Variants in RASL12 observed in about 807,000 individuals in gnomAD.
The protein encoded by RASL12 is ras-like protein family member 12.
RASL12 carries 16 observed loss-of-function variants against 22.9 expected under a neutral mutation model. That is an observed-to-expected ratio of 0.70 (90% CI 0.47 to 1.06). The LOEUF (loss-of-function observed/expected upper bound fraction) is 1.06, where lower values mean the gene tolerates loss of function less well. Among genes scored for constraint, RASL12 ranks in the 50% least tolerant of loss-of-function variants. RASL12 has a pLI of 0.00. For synonymous variants in RASL12, 159 were observed against 152.2 expected, an observed-to-expected ratio of 1.04 and a Z score of -0.33; for missense variants, 306 against 353.1, an observed-to-expected ratio of 0.87 and a Z score of 1.07.
At position 65,054,961 on chromosome 15, in the gene RASL12, G is replaced by T. The variant is rs756497982; in HGVS notation, c.739C>A (p.Arg247=). ...QAKLVTVKSS[R]AQSKRKAPTL... ...GGCGCCTTGCGCTTGCTCTGGGCCC[G>T]GGATGACTTCACGGTGACCAGCTTG... The change falls in exon 5 of 5, where the codon CGG becomes AGG. Residue 247 remains arginine, a synonymous_variant. Coordinates refer to ENST00000220062, the MANE Select transcript of RASL12 (RefSeq NM_016563.4). The T allele has an allele frequency of 5.0e-6, 8 of 1,614,186 alleles. No homozygotes were observed. In the Admixed American group the frequency reaches 6.7e-5, roughly 13 times the overall value.
At chr15:65,062,104 G>A (rs961387577) in intron 2 of RASL12, among the ~76,000 whole-genome samples, 31 of 151,852 alleles carry the variant, frequency 2.0e-4, no homozygotes, top group East Asian at 1.9e-4. Context: ...TGTCCTCGCT[G>A]GAGGAGGAGG....
the RASL12 span, among the ~76,000 whole-genome samples, chr15:65,046,627 T>C: frequency 6.6e-6 from 1 of 152,090 alleles, no homozygotes; most frequent in African/African-American, 2.4e-5. Flanking sequence ...TTTAAACATA[T>C]TTTGGCCAGG....
downstream of RASL12, among the ~76,000 whole-genome samples, chr15:65,048,759 A>G (rs1337792998): frequency 6.6e-6 from 1 of 152,206 alleles, no homozygotes; most frequent in African/African-American, 2.4e-5. Flanking sequence ...CTGTAATCCC[A>G]GTACTTTGGG....
In RASL12 at chr15:65,058,537, G is replaced by A; in HGVS notation, c.315C>T (p.Ser105=). The change falls in exon 4 of 5, where the codon AGC becomes AGT. Residue 105 remains serine (S), a synonymous_variant. Transcript: ENST00000220062. ...CCAGGTAGCTGCTGCTGCTATCAAA[G>A]CTCTGGCGGCTGTCGACGCTGTACA... The part of the protein sequence containing the change: ...LVVYSVDSRQ[S]FDSSSSYLEL... 1 of 1,611,782 alleles carries A rather than the reference G, an allele frequency of 6.2e-7. No homozygotes were observed. The highest frequency in any genetic ancestry group is 8.5e-7 in the Non-Finnish European group (1 of 1,178,460).
At chr15:65,064,527 G>A (rs1393794498) in intron 2 of RASL12, among the ~76,000 whole-genome samples, 1 of 152,048 alleles carries the variant, frequency 6.6e-6, no homozygotes, top group African/African-American at 2.4e-5. Flanking sequence ...AGAATTTCTC[G>A]AATGTCCTGC....
Position 65,065,212 on chromosome 15 carries a change from C to A in RASL12, c.160+5G>T. 2.5e-6 allele frequency: 4 copies of A among 1,612,068 alleles called. No homozygotes were observed. Among genetic ancestry groups the A allele is most frequent in the Non-Finnish European group, 3.4e-6 (4 of 1,179,252 alleles). On this transcript the variant is annotated splice_donor_5th_base_variant and intron_variant, in intron 2 of 4. Coordinates refer to ENST00000220062, the MANE Select transcript of RASL12 (RefSeq NM_016563.4). ...CAGCAGAAGGTACGGGGAGTAGTTT[C>A]TTACCCAAGTTGGGGTCATATTCAC...
chr15:65,073,986 C>T (rs1019359780), intron 1 of RASL12, among the ~76,000 whole-genome samples: 4 of 152,196 alleles, frequency 2.6e-5, no homozygotes, highest in Admixed American at 2.6e-4. Context: ...TCTGGAGCCT[C>T]GCAGCAAGTG....
At chr15:65,058,644 G>T in intron 3 of RASL12, 27 bp from the exon 4 acceptor site, 1 of 1,462,546 alleles carries the variant, frequency 6.8e-7, no homozygotes, top group Non-Finnish European at 9.1e-7. Flanking sequence ...AAGCCCCGCC[G>T]GGGGGCAGAG....
At chr15:65,070,872 T>G (rs1312893679), upstream of RASL12, among the ~76,000 whole-genome samples, 1 of 152,182 alleles carries the variant, frequency 6.6e-6, no homozygotes, top group Non-Finnish European at 1.5e-5. Flanking sequence ...AAATTCCACT[T>G]TACAGATGAA....
At chr15:65,053,182 C>A (rs2086678766), downstream of RASL12, 2 of 1,612,826 alleles carry the variant, frequency 1.2e-6, no homozygotes, top group African/African-American at 2.7e-5. Context: ...TCAGAGAAGC[C>A]CCATCCTAAG....
At chr15:65,055,330 C>A in intron 4 of RASL12, 56 bp from the exon 5 acceptor site, 1 of 1,445,610 alleles carries the variant, frequency 6.9e-7, no homozygotes, top group Middle Eastern at 1.9e-4. Context: ...CCAAGTCAGG[C>A]AGACCAGCTC....
chr15:65,058,677 C>G (rs1248041799), intron 3 of RASL12, 60 bp from the exon 4 acceptor site: 1 of 1,293,958 alleles, frequency 7.7e-7, no homozygotes, highest in Non-Finnish European at 1.0e-6. Flanking sequence ...AAGGCCTTCA[C>G]CTGAGCCGCC....
intron 4 of RASL12, among the ~76,000 whole-genome samples, chr15:65,058,144 C>G (rs1330365636): frequency 6.6e-6 from 1 of 152,196 alleles, no homozygotes; most frequent in Non-Finnish European, 1.5e-5. Context: ...TGGCAGGAAC[C>G]TGTAATCCCA....
At chr15:65,051,923 A>T (rs751714963), downstream of RASL12, among the ~76,000 whole-genome samples, 8 of 152,192 alleles carry the variant, frequency 5.3e-5, no homozygotes, top group Non-Finnish European at 8.8e-5. Flanking sequence ...CAGCAAAGTC[A>T]ACTCAGAGAT....
rs575177440 is a variant in RASL12 at position 65,059,377 on chromosome 15, C to T, written c.202G>A (p.Val68Ile). Residue 68 changes from valine to isoleucine, a missense_variant, in exon 3 of 5, where the codon GTC (valine) becomes ATC (isoleucine). Transcript: ENST00000220062. ...GCAGTGTCCATGACCCTCAGGTGGA[C>T]AGGCTGGTGGTCCACAGTCTCCTCG... ...SSEETVDHQP[V>I]HLRVMDTADL... The T allele has an allele frequency of 1.2e-6, 2 of 1,614,104 alleles. No individual in the cohort carries two copies. The highest frequency in any genetic ancestry group is 1.7e-5 in the Admixed American group (1 of 60,034).
chr15:65,070,196 A>T (rs1418645434), upstream of RASL12, among the ~76,000 whole-genome samples: 1 of 152,228 alleles, frequency 6.6e-6, no homozygotes. Flanking sequence ...TCAGCCCAGG[A>T]GATGGAGGCT....
Position 65,053,956 on chromosome 15 carries a change from C to G in RASL12, c.*943G>C. 7.1e-6 allele frequency: 7 copies of G among 985,828 alleles called. No individual in the cohort carries two copies. Among genetic ancestry groups the G allele is most frequent in the Non-Finnish European group, 8.4e-6 (7 of 829,950 alleles). 61.1% of individuals were successfully genotyped at this position (985,828 alleles called of 1,614,324 possible). On this transcript the variant is annotated 3_prime_UTR_variant, in exon 5 of 5. Coordinates refer to ENST00000220062, the MANE Select transcript of RASL12 (RefSeq NM_016563.4). ...TAGGTTCTAAAGTGGGCTTTGAACA[C>G]TCAGACTCATTGCTGAGGGTCCTGG...
At position 65,067,721 on chromosome 15, in the gene RASL12, G is replaced by A. The variant is rs370070098; in HGVS notation, c.103+12C>T. The A allele has an allele frequency of 1.9e-6, 3 of 1,545,742 alleles. No individual in the cohort carries two copies. The highest frequency in any genetic ancestry group is 1.4e-5 in the African/African-American group (1 of 71,566). On this transcript the variant is annotated intron_variant, in intron 1 of 4. Coordinates refer to ENST00000220062, the MANE Select transcript of RASL12 (RefSeq NM_016563.4). Reference sequence around the variant, plus strand: ...CCGCACTTGGCGGCTCAGGCTCCCCGGCGCCACTCACCAGACTTGCCAGCC... The same window carrying A: ...CCGCACTTGGCGGCTCAGGCTCCCCAGCGCCACTCACCAGACTTGCCAGCC...
intron 2 of RASL12, 86 bp from the exon 3 acceptor site, chr15:65,059,504 TG>T: frequency 3.9e-6 from 4 of 1,034,864 alleles, no homozygotes; most frequent in Admixed American, 1.8e-5. Flanking sequence ...CTGTGTGGCC[TG>T]GGGGGACCTT....
Sources: allele counts gnomAD v4.1 joint callset (sites outside exome capture counted in the v4.1 genomes callset), GRCh38; gene constraint gnomAD v4.1.1; transcripts MANE v1.5; gene names NCBI Gene and HGNC (gene_info 2026-07-23, HGNC 2026-07-21).